PLCB1: variants seen among roughly 807,000 people sequenced by gnomAD.
PLCB1 encodes phospholipase C beta 1.
PLCB1 carries 46 observed loss-of-function variants against 161.8 expected under a neutral mutation model. That is an observed-to-expected ratio of 0.28 (90% CI 0.22 to 0.36). The LOEUF is 0.36. Ranked by LOEUF, PLCB1 falls within the 10% of genes least tolerant of loss-of-function variation. PLCB1 has a pLI of 1.00. For synonymous variants in PLCB1, 517 were observed against 503.7 expected (o/e 1.03, Z -0.35); for missense variants, 1,016 against 1,472.5 (o/e 0.69, Z 5.07).
chr20:8,488,664 C>T (rs1389680396), intron 3 of PLCB1, among the ~76,000 whole-genome samples: 1 of 152,108 alleles, frequency 6.6e-6, no homozygotes, highest in Non-Finnish European at 1.5e-5. Context: ...ATTTACATTC[C>T]TAGACTCATT....
chr20:8,682,331 G>A (rs1990242910), intron 9 of PLCB1, among the ~76,000 whole-genome samples: 1 of 151,906 alleles, frequency 6.6e-6, no homozygotes, highest in Admixed American at 6.6e-5. Context: ...GAAGACCCCT[G>A]TCTCTACACA....
At position 8,693,298 on chromosome 20, in the gene PLCB1, G is replaced by T. The variant is rs553044055; in HGVS notation, c.1010-4328G>T. 4.0e-4 allele frequency among the ~76,000 whole-genome samples: 61 copies of T among 152,264 alleles called. 1 individual carries two copies. The South Asian group carries it at 0.012, about 31-fold the overall frequency. On this transcript the variant is annotated intron_variant, in intron 10 of 31. Transcript: ENST00000338037. ...TTTCTTAAGAGTGGAAATGACTTTA[G>T]GCTCTTACATAGACACTTTGTCTCC...
rs1023846978 is a variant in PLCB1, at chr20:8,821,831, C to T, written c.3423+31570C>T. On this transcript the variant is annotated intron_variant, in intron 31 of 31. Coordinates refer to ENST00000338037, the MANE Select transcript of PLCB1 (RefSeq NM_015192.4). ...GCCTGGCGCTGTATCCCTCTCCACC[C>T]GCCCCCTCGCAGTGTGCACTATACT... Among the ~76,000 whole-genome samples the T allele has an allele frequency of 5.3e-5, 8 of 151,866 alleles. No homozygotes were observed. In the East Asian group the frequency reaches 5.8e-4, roughly 11 times the overall value.
At chr20:8,514,943 C>A (rs1336252726) in intron 3 of PLCB1, among the ~76,000 whole-genome samples, 3 of 152,026 alleles carry the variant, frequency 2.0e-5, no homozygotes, top group Non-Finnish European at 4.4e-5. Flanking sequence ...TCTGAGTTTC[C>A]AATAAGTACC....
chr20:8,817,030 T>C (rs1467702999), intron 31 of PLCB1, among the ~76,000 whole-genome samples: 1 of 152,204 alleles, frequency 6.6e-6, no homozygotes, highest in East Asian at 1.9e-4. Context: ...CCTTCAAACT[T>C]GATTGGTTCT....
intron 31 of PLCB1, among the ~76,000 whole-genome samples, chr20:8,821,796 C>T (rs1360875248): frequency 1.3e-5 from 2 of 151,788 alleles, no homozygotes; most frequent in Admixed American, 6.6e-5. Context: ...TCTCAGTAGG[C>T]GTCTACACAG....
intron 2 of PLCB1, among the ~76,000 whole-genome samples, chr20:8,272,442 G>T (rs1206597147): frequency 6.6e-6 from 1 of 152,052 alleles, no homozygotes; most frequent in Non-Finnish European, 1.5e-5. Flanking sequence ...TACAGGAGGG[G>T]CAATGGATAG....
intron 18 of PLCB1, 85 bp from the exon 19 acceptor site, chr20:8,733,153 C>T: frequency 7.4e-7 from 1 of 1,346,522 alleles, no homozygotes; most frequent in East Asian, 2.3e-5. Flanking sequence ...CAAAAGTGGA[C>T]TGGGATCAAC....
intron 2 of PLCB1, among the ~76,000 whole-genome samples, chr20:8,224,603 A>T (rs540184880): frequency 9.2e-5 from 14 of 152,306 alleles, no homozygotes; most frequent in East Asian, 5.8e-4. Flanking sequence ...TTTAAAAAAA[A>T]TTTTTAAAGA....
chr20:8,191,420 A>C (rs575346527), intron 2 of PLCB1, among the ~76,000 whole-genome samples: 1 of 152,022 alleles, frequency 6.6e-6, no homozygotes, highest in African/African-American at 2.4e-5. Context: ...CAATCCACTT[A>C]ATTTTTTTTT....
chr20:8,583,927 C>T (rs1438366272), intron 3 of PLCB1, among the ~76,000 whole-genome samples: 3 of 152,156 alleles, frequency 2.0e-5, no homozygotes, highest in Non-Finnish European at 1.5e-5. Context: ...AAAAGGGGCC[C>T]GTCAGCACTC....
intron 3 of PLCB1, among the ~76,000 whole-genome samples, chr20:8,571,162 C>T (rs998634550): frequency 6.6e-6 from 1 of 152,142 alleles, no homozygotes; most frequent in Non-Finnish European, 1.5e-5. Context: ...AAGGGAAATA[C>T]CTATTTGTGT....
chr20:8,450,395 T>G (rs2122644266), intron 3 of PLCB1, among the ~76,000 whole-genome samples: 1 of 152,138 alleles, frequency 6.6e-6, no homozygotes, highest in South Asian at 2.1e-4. Context: ...TTTTTTTTTG[T>G]CAGTCTCTGA....
chr20:8,684,153 G>C (rs1051597022), intron 9 of PLCB1, among the ~76,000 whole-genome samples: 1 of 151,616 alleles, frequency 6.6e-6, no homozygotes, highest in Non-Finnish European at 1.5e-5. Context: ...CAAAGTGCTG[G>C]GATTACAGGC....
chr20:8,340,002 A>G (rs1262929972), intron 2 of PLCB1, among the ~76,000 whole-genome samples: 2 of 152,174 alleles, frequency 1.3e-5, no homozygotes, highest in Non-Finnish European at 1.5e-5. Flanking sequence ...AGTTAATTCA[A>G]TCATTAATGC....
chr20:8,459,412 A>G (rs1346907420), intron 3 of PLCB1, among the ~76,000 whole-genome samples: 1 of 152,174 alleles, frequency 6.6e-6, no homozygotes, highest in African/African-American at 2.4e-5. Flanking sequence ...CAGATGCTTG[A>G]ACCCCTAGTC....
At chr20:8,818,940 C>A (rs1246463562) in intron 31 of PLCB1, among the ~76,000 whole-genome samples, 1 of 132,782 alleles carries the variant, frequency 7.5e-6, no homozygotes, top group African/African-American at 3.1e-5. Context: ...GAGACTCAGT[C>A]TCAAAAAAAA....
chr20:8,165,703 T>C (rs2051668242), intron 2 of PLCB1, among the ~76,000 whole-genome samples: 1 of 152,224 alleles, frequency 6.6e-6, no homozygotes, highest in Admixed American at 6.5e-5. Flanking sequence ...GCATCTTGTC[T>C]AAGGTTACAG....
chr20:8,201,388 G>A (rs1486132630), intron 2 of PLCB1, among the ~76,000 whole-genome samples: 1 of 151,820 alleles, frequency 6.6e-6, no homozygotes, highest in Non-Finnish European at 1.5e-5. Flanking sequence ...AATCAAAATA[G>A]GGTTATACAA....
Sources: gnomAD v4.1 joint callset for allele counts (sites outside exome capture counted in the v4.1 genomes callset) on GRCh38, gnomAD v4.1.1 for gene constraint, MANE v1.5 for transcripts, NCBI Gene and HGNC (gene_info 2026-07-23, HGNC 2026-07-21) for gene names.